Variants in TBC1D32 observed in about 807,000 individuals in gnomAD.
TBC1D32 encodes protein broad-minded.
In TBC1D32, 151 loss-of-function variants were observed where a neutral mutation model predicts 170.3. The ratio of observed to expected loss-of-function variants is 0.89; its 90% CI spans 0.78 to 1.01. TBC1D32 has a LOEUF of 1.01. Ranked by LOEUF, TBC1D32 falls within the 50% of genes least tolerant of loss-of-function variation. The probability of loss-of-function intolerance (pLI) is 0.00; values close to 1 mark genes in which losing one functional copy is unlikely to be tolerated. For synonymous variants in TBC1D32, 498 were observed against 488.0 expected, an observed-to-expected ratio of 1.02 and a Z score of -0.27; for missense variants, 1,464 against 1,457.1, an observed-to-expected ratio of 1.00 and a Z score of -0.08.
chr6:121,121,915 T>C (rs540444404), intron 26 of TBC1D32, among the ~76,000 whole-genome samples: 2 of 152,170 alleles, frequency 1.3e-5, no homozygotes, highest in Admixed American at 1.3e-4. Context: ...GATGGCTTAG[T>C]AATTTGTATT....
At chr6:121,283,191 G>A (rs534796079) in intron 13 of TBC1D32, among the ~76,000 whole-genome samples, 6 of 151,690 alleles carry the variant, frequency 4.0e-5, no homozygotes, top group Non-Finnish European at 7.4e-5. Context: ...GCAATTCTAG[G>A]GTTATTTCCT....
chr6:121,088,233 G>A (rs1052619346), intron 31 of TBC1D32, among the ~76,000 whole-genome samples: 7 of 152,058 alleles, frequency 4.6e-5, no homozygotes, highest in African/African-American at 7.2e-5. Context: ...GGGATTACAC[G>A]TGTGAGCCAC....
chr6:121,322,143 G>A (rs942745789), intron 1 of TBC1D32, among the ~76,000 whole-genome samples: 27 of 152,014 alleles, frequency 1.8e-4, no homozygotes, highest in Admixed American at 1.6e-3. Flanking sequence ...TCAGTTATTC[G>A]AGCTGATGAG....
Position 121,308,094 on chromosome 6 carries a change from T to A in TBC1D32, c.572A>T (p.Tyr191Phe). The stretch of plus-strand genomic sequence containing the variant: ...TGAACATAATGTTTGCAAGGCTTCA[T>A]ATCTCACCTACAATTTTTTTAAAAG... The part of the protein sequence containing the change: ...LDPGQPKEVR[Y>F]EALQTLCSAP... The change falls in exon 5 of 32, where the codon TAT becomes TTT. Residue 191 changes from tyrosine to phenylalanine, a missense_variant. Tyr to Phe is a conservative substitution (Grantham distance 22). This residue lies in a region of TBC1D32 where 1,363 missense variants were observed against 1,338.1 expected (regional missense o/e 1.02). Coordinates refer to ENST00000398212, the MANE Select transcript of TBC1D32 (RefSeq NM_152730.6). The A allele has an allele frequency of 1.2e-6, 2 of 1,609,830 alleles. No homozygotes were observed.
At chr6:121,307,267 T>C (rs1172656719) in intron 5 of TBC1D32, among the ~76,000 whole-genome samples, 1 of 151,916 alleles carries the variant, frequency 6.6e-6, no homozygotes. Flanking sequence ...ACCCAGCTAC[T>C]TGGGAGACTG....
intron 26 of TBC1D32, among the ~76,000 whole-genome samples, chr6:121,117,301 T>A (rs1464077371): frequency 6.6e-6 from 1 of 152,166 alleles, no homozygotes; most frequent in East Asian, 1.9e-4. Flanking sequence ...GAGATGTATA[T>A]AACTTTGGTA....
chr6:121,223,452 T>C, intron 20 of TBC1D32, 100 bp from the exon 21 acceptor site: 3 of 781,746 alleles, frequency 3.8e-6, no homozygotes, highest in Non-Finnish European at 6.5e-6. Flanking sequence ...CTTTGAGGGC[T>C]CATTTTTAAA....
At chr6:121,256,446 T>C (rs944818950) in intron 15 of TBC1D32, among the ~76,000 whole-genome samples, 161 bp from the exon 16 acceptor site, 5 of 152,022 alleles carry the variant, frequency 3.3e-5, no homozygotes, top group Admixed American at 2.6e-4. Context: ...TGTCTAGTAA[T>C]GAGAACAGTT....
Position 121,160,738 on chromosome 6 carries a change from T to C in TBC1D32, c.2679+210A>G, listed in dbSNP as rs534481689. Among the ~76,000 whole-genome samples the C allele has an allele frequency of 8.9e-4, 136 of 152,352 alleles. 1 individual carries two copies. The South Asian group carries it at 0.026, about 29-fold the overall frequency. ...CTCTACTACACATGCAAACAATACA[T>C]ACCCTACTTTAGCATTCATGACCCT... On this transcript the variant is annotated intron_variant, in intron 23 of 31. Transcript: ENST00000398212.
intron 10 of TBC1D32, among the ~76,000 whole-genome samples, chr6:121,299,036 T>C (rs1446226761): frequency 6.6e-6 from 1 of 152,092 alleles, no homozygotes; most frequent in Admixed American, 6.6e-5. Flanking sequence ...TCAAACCAAT[T>C]ATTGAAAATG....
chr6:121,098,290 G>C lies in TBC1D32; in HGVS notation c.3466-7249C>G, dbSNP rs1777644297. The stretch of plus-strand genomic sequence containing the variant: ...TGCTTGATTAAGCCAAAATAGGTAT[G>C]ATTTATAAATGATAAAGTTTTCTGA... On this transcript the variant is annotated intron_variant, in intron 30 of 31. Transcript: ENST00000398212. Among the ~76,000 whole-genome samples the C allele has an allele frequency of 2.6e-5, 4 of 151,846 alleles. No individual in the cohort carries two copies. The Admixed American group carries it at 2.6e-4, about 10-fold the overall frequency.
chr6:121,242,405 T>A, intron 17 of TBC1D32, 66 bp from the exon 18 acceptor site: 1 of 1,511,528 alleles, frequency 6.6e-7, no homozygotes, highest in Non-Finnish European at 9.1e-7. Flanking sequence ...AAAGAGTATG[T>A]CTTAGCTGAG....
At chr6:121,308,844 GGAAAGTAGTAGA>G (rs1292554213) in intron 4 of TBC1D32, among the ~76,000 whole-genome samples, 1 of 151,920 alleles carries the variant, frequency 6.6e-6, no homozygotes, top group East Asian at 1.9e-4. Flanking sequence ...ATGACCCAAG[GGAAAGTAGTAGA>G]GAATAGTTCC....
chr6:121,289,595 T>C (rs1804490858), intron 12 of TBC1D32, among the ~76,000 whole-genome samples: 1 of 152,148 alleles, frequency 6.6e-6, no homozygotes, highest in South Asian at 2.1e-4. Context: ...ATAGATTCAA[T>C]CCCATCCCCA....
At chr6:121,288,639 T>C (rs966197052) in intron 12 of TBC1D32, among the ~76,000 whole-genome samples, 3 of 152,014 alleles carry the variant, frequency 2.0e-5, no homozygotes, top group Non-Finnish European at 2.9e-5. Flanking sequence ...GGGAATCCTC[T>C]CTAACTCATT....
intron 15 of TBC1D32, among the ~76,000 whole-genome samples, chr6:121,257,063 G>A (rs1799129062): frequency 6.6e-6 from 1 of 152,108 alleles, no homozygotes; most frequent in Non-Finnish European, 1.5e-5. Flanking sequence ...GATTGTTGTA[G>A]TTACAGGTCC....
chr6:121,151,433 T>C (rs528658935), intron 24 of TBC1D32, among the ~76,000 whole-genome samples: 2 of 152,342 alleles, frequency 1.3e-5, no homozygotes, highest in Admixed American at 6.5e-5. Context: ...ATGTGGTTGA[T>C]TTTAGAATAA....
intron 22 of TBC1D32, among the ~76,000 whole-genome samples, chr6:121,203,091 T>C (rs1190518233): frequency 6.6e-6 from 1 of 150,980 alleles, no homozygotes; most frequent in African/African-American, 2.5e-5. Flanking sequence ...AAAAATACTA[T>C]GGGAATAAGA....
chr6:121,093,782 C>T (rs1293681258), intron 30 of TBC1D32, among the ~76,000 whole-genome samples: 2 of 152,006 alleles, frequency 1.3e-5, no homozygotes, highest in East Asian at 3.9e-4. Context: ...CTATATTTTT[C>T]CATCACATGG....
Sources: allele counts gnomAD v4.1 joint callset (sites outside exome capture counted in the v4.1 genomes callset), GRCh38; gene constraint gnomAD v4.1.1; regional missense constraint gnomAD v4.1.1; transcripts MANE v1.5; gene names NCBI Gene and HGNC (gene_info 2026-07-23, HGNC 2026-07-21).